The following ADGRB3 variants were observed in gnomAD, a reference collection of about 807,000 sequenced individuals.
The protein encoded by ADGRB3 is adhesion G protein-coupled receptor B3.
In ADGRB3, 37 loss-of-function variants were observed where a neutral mutation model predicts 193.4. The ratio of observed to expected loss-of-function variants is 0.19; its 90% CI spans 0.15 to 0.25. The LOEUF (loss-of-function observed/expected upper bound fraction) is 0.25, where lower values mean the gene tolerates loss of function less well. Ranked by LOEUF, ADGRB3 falls within the 10% of genes least tolerant of loss-of-function variation. The pLI is 1.00. For missense variants in ADGRB3, 1,637 were observed against 1,852.9 expected (o/e 0.88, Z 2.14); for synonymous variants, 690 against 644.2 (o/e 1.07, Z -1.08).
chr6:69,222,455 C>T (rs887534735), intron 17 of ADGRB3, among the ~76,000 whole-genome samples: 6 of 152,146 alleles, frequency 3.9e-5, no homozygotes, highest in Admixed American at 1.3e-4. Context: ...TGGTGATGTC[C>T]TGATGACAGT....
At chr6:68,958,870 A>AAATTGT (rs1554227911) in intron 8 of ADGRB3, among the ~76,000 whole-genome samples, 1 of 147,234 alleles carries the variant, frequency 6.8e-6, no homozygotes, top group African/African-American at 2.5e-5. Context: ...AAAGAAAAAT[A>AAATTGT]GTGTGTGTGT....
chr6:68,752,089 T>C (rs1766210259), intron 3 of ADGRB3, among the ~76,000 whole-genome samples: 2 of 152,134 alleles, frequency 1.3e-5, no homozygotes, highest in South Asian at 4.1e-4. Flanking sequence ...TATGATTTAA[T>C]TGGTAAAATT....
At chr6:68,895,243 A>G (rs1180145114) in intron 3 of ADGRB3, among the ~76,000 whole-genome samples, 3 of 149,106 alleles carry the variant, frequency 2.0e-5, no homozygotes, top group East Asian at 1.9e-4. Flanking sequence ...TTTTAGTTCA[A>G]TGCTGTGAAG....
chr6:69,011,023 C>T (rs1173736757), intron 11 of ADGRB3, among the ~76,000 whole-genome samples: 1 of 151,854 alleles, frequency 6.6e-6, no homozygotes, highest in Non-Finnish European at 1.5e-5. Flanking sequence ...TGAGTCTCCT[C>T]TTCAAAGTGC....
chr6:68,822,441 T>G (rs1362404071), intron 3 of ADGRB3, among the ~76,000 whole-genome samples: 2 of 151,964 alleles, frequency 1.3e-5, no homozygotes, highest in Non-Finnish European at 2.9e-5. Context: ...TTTTCTCATA[T>G]TTTGTTCCAC....
chr6:69,005,894 A>G (rs1420329837), intron 11 of ADGRB3, among the ~76,000 whole-genome samples: 1 of 152,170 alleles, frequency 6.6e-6, no homozygotes, highest in East Asian at 1.9e-4. Context: ...GAAACCTGCT[A>G]GATGGCATCC....
At chr6:69,082,790 C>T (rs1374076840) in intron 17 of ADGRB3, among the ~76,000 whole-genome samples, 2 of 152,078 alleles carry the variant, frequency 1.3e-5, no homozygotes, top group African/African-American at 4.8e-5. Flanking sequence ...TCTTCCAATT[C>T]TCACTCATTG....
At chr6:69,092,195 G>A (rs1243874981) in intron 17 of ADGRB3, among the ~76,000 whole-genome samples, 2 of 152,172 alleles carry the variant, frequency 1.3e-5, no homozygotes, top group African/African-American at 2.4e-5. Flanking sequence ...GATCTTCACA[G>A]GCTTGAGTCA....
intron 13 of ADGRB3, among the ~76,000 whole-genome samples, chr6:69,034,081 A>G (rs1439261025): frequency 1.3e-5 from 2 of 152,018 alleles, no homozygotes; most frequent in Non-Finnish European, 2.9e-5. Flanking sequence ...CTAAGATACT[A>G]AAGCATTTTC....
At chr6:69,328,269 AC>A (rs1768626547) in intron 22 of ADGRB3, among the ~76,000 whole-genome samples, 1 of 152,156 alleles carries the variant, frequency 6.6e-6, no homozygotes. Context: ...ATTGTTATTA[AC>A]CAAGTTTTGT....
intron 10 of ADGRB3, among the ~76,000 whole-genome samples, chr6:68,992,496 G>A (rs200113934): frequency 6.6e-6 from 1 of 152,148 alleles, no homozygotes; most frequent in East Asian, 1.9e-4. Flanking sequence ...ACACTACAGA[G>A]ATAGGTAAAA....
At chr6:69,028,468 C>T (rs1582404531) in intron 13 of ADGRB3, among the ~76,000 whole-genome samples, 1 of 152,260 alleles carries the variant, frequency 6.6e-6, no homozygotes, top group African/African-American at 2.4e-5. Flanking sequence ...TGTAATAGAA[C>T]TAGTCTCATA....
chr6:69,025,091 CAAAAAAA>C (rs66494212), intron 13 of ADGRB3, among the ~76,000 whole-genome samples: 1 of 141,426 alleles, frequency 7.1e-6, no homozygotes, highest in African/African-American at 2.6e-5. Context: ...GACTCCGTCT[CAAAAAAA>C]AAAAAAAAAA....
At chr6:68,787,556 CAGTATTTTACTG>C (rs1322269593) in intron 3 of ADGRB3, among the ~76,000 whole-genome samples, 1 of 152,116 alleles carries the variant, frequency 6.6e-6, no homozygotes, top group Non-Finnish European at 1.5e-5. Context: ...TTCGGTTTGC[CAGTATTTTACTG>C]AGGATTTTTG....
At chr6:68,752,625 A>T (rs1287767400) in intron 3 of ADGRB3, among the ~76,000 whole-genome samples, 2 of 152,180 alleles carry the variant, frequency 1.3e-5, no homozygotes, top group Non-Finnish European at 2.9e-5. Flanking sequence ...CAAGACTAAG[A>T]AGTACATAGA....
At chr6:68,678,912 G>C (rs1764827170) in intron 3 of ADGRB3, among the ~76,000 whole-genome samples, 1 of 151,944 alleles carries the variant, frequency 6.6e-6, no homozygotes, top group Non-Finnish European at 1.5e-5. Flanking sequence ...ATTTCAAAAA[G>C]GATATTACTT....
chr6:68,738,403 A>G (rs1371447662), intron 3 of ADGRB3, among the ~76,000 whole-genome samples: 5 of 152,170 alleles, frequency 3.3e-5, no homozygotes, highest in African/African-American at 9.6e-5. Context: ...TAAATGGCCC[A>G]TAGACTGAGA....
intron 3 of ADGRB3, among the ~76,000 whole-genome samples, chr6:68,690,840 T>C (rs1484284310): frequency 2.6e-5 from 4 of 152,166 alleles, no homozygotes; most frequent in Non-Finnish European, 5.9e-5. Flanking sequence ...CCATGCTTTA[T>C]TATTTTATGT....
intron 3 of ADGRB3, among the ~76,000 whole-genome samples, chr6:68,689,468 G>T (rs1391885595): frequency 2.0e-5 from 3 of 152,102 alleles, no homozygotes; most frequent in African/African-American, 7.2e-5. Flanking sequence ...AAGATTAACC[G>T]GCTCAGGCCT....
Sources: gnomAD v4.1 joint callset for allele counts (sites outside exome capture counted in the v4.1 genomes callset) on GRCh38, gnomAD v4.1.1 for gene constraint, MANE v1.5 for transcripts, NCBI Gene and HGNC (gene_info 2026-07-23, HGNC 2026-07-21) for gene names.